Variants in NBAS observed in about 807,000 individuals in gnomAD.
NBAS encodes NBAS subunit of NRZ tethering complex.
Under a neutral mutation model 302.5 loss-of-function variants are expected in NBAS, and 219 were observed. The observed-to-expected ratio is 0.72, with a 90% CI of 0.65 to 0.81. The LOEUF (loss-of-function observed/expected upper bound fraction) is 0.81. Among genes scored for constraint, NBAS ranks in the 30% least tolerant of loss-of-function variants. NBAS has a pLI of 0.00. For missense variants in NBAS, 2,932 were observed against 2,841.6 expected (o/e 1.03, Z -0.72); for synonymous variants, 1,118 against 1,021.6 (o/e 1.09, Z -1.80).
the NBAS span, among the ~76,000 whole-genome samples, chr2:15,155,160 G>A: frequency 5.9e-5 from 9 of 152,150 alleles, no homozygotes; most frequent in South Asian, 2.1e-4. Context: ...GCATCTCTGG[G>A]CAAGTCTTTG....
chr2:15,115,583 C>T, the NBAS span, among the ~76,000 whole-genome samples: 8 of 152,248 alleles, frequency 5.3e-5, no homozygotes, highest in South Asian at 8.3e-4. Context: ...TCACTGTAAC[C>T]GCAAACTCCT....
the NBAS span, among the ~76,000 whole-genome samples, chr2:14,863,289 T>C: frequency 1.3e-5 from 2 of 152,118 alleles, no homozygotes; most frequent in African/African-American, 4.8e-5. Context: ...GTTTATTCAC[T>C]TGGGTGCAAG....
intron 31 of NBAS, among the ~76,000 whole-genome samples, chr2:15,369,151 A>G (rs1351259029): frequency 6.6e-6 from 1 of 152,162 alleles, no homozygotes; most frequent in Non-Finnish European, 1.5e-5. Context: ...TTTGTTGCAG[A>G]TATTATCTGC....
chr2:15,141,715 C>T, the NBAS span, among the ~76,000 whole-genome samples: 25 of 151,716 alleles, frequency 1.6e-4, no homozygotes, highest in African/African-American at 5.3e-4. Context: ...TTGTTTTTAC[C>T]GTAGGGGCCA....
At chr2:15,415,826 T>C in intron 24 of NBAS, 107 bp from the exon 25 acceptor site, 3 of 1,171,180 alleles carry the variant, frequency 2.6e-6, no homozygotes, top group Non-Finnish European at 2.5e-6. Flanking sequence ...AGACTGATGT[T>C]AAACAGTGCA....
chr2:15,110,273 G>T, the NBAS span, among the ~76,000 whole-genome samples: 1 of 152,136 alleles, frequency 6.6e-6, no homozygotes, highest in East Asian at 1.9e-4. Context: ...GTAGGTAGTT[G>T]TGAGATGCAC....
At chr2:15,234,331 AT>A (rs1486502380) in intron 46 of NBAS, among the ~76,000 whole-genome samples, 1 of 152,222 alleles carries the variant, frequency 6.6e-6, no homozygotes, top group Non-Finnish European at 1.5e-5. Context: ...CAGAAATTAC[AT>A]AGCTTAAGAT....
rs140128146 is a variant in NBAS, at chr2:15,344,635, G to C, written c.4179+7357C>G. 5.0e-3 allele frequency among the ~76,000 whole-genome samples: 767 copies of C among 152,180 alleles called. 10 individuals are homozygous for C. Among genetic ancestry groups the C allele is most frequent in the African/African-American group, 0.017 (710 of 41,532 alleles). On this transcript the variant is annotated intron_variant, in intron 35 of 51. Coordinates refer to ENST00000281513, the MANE Select transcript of NBAS (RefSeq NM_015909.4). ...TGAAACTATTCCAAACAACTGAAAA[G>C]GAGGGACTCCTCCCTAACTCATTTT...
intron 40 of NBAS, among the ~76,000 whole-genome samples, chr2:15,300,560 G>A (rs753082308): frequency 2.6e-5 from 4 of 152,168 alleles, no homozygotes; most frequent in African/African-American, 4.8e-5. Context: ...ACTCACAACT[G>A]CAAACCTGAA....
the NBAS span, among the ~76,000 whole-genome samples, chr2:15,101,081 C>G: frequency 1.3e-5 from 2 of 152,186 alleles, no homozygotes; most frequent in Non-Finnish European, 2.9e-5. Flanking sequence ...ATTTAGGAAG[C>G]ACAGCCACCA....
chr2:15,190,472 CTTTAT>C (rs1665298980), intron 48 of NBAS, 69 bp from the exon 49 acceptor site: 3 of 1,551,926 alleles, frequency 1.9e-6, no homozygotes, highest in Non-Finnish European at 2.6e-6. Flanking sequence ...AATAATTCTA[CTTTAT>C]TTTAATTAAA....
intron 8 of NBAS, among the ~76,000 whole-genome samples, chr2:15,536,064 C>T (rs1205122389): frequency 1.3e-5 from 2 of 152,176 alleles, no homozygotes; most frequent in African/African-American, 4.8e-5. Context: ...CATTTCACTG[C>T]ATGCAAATTT....
At chr2:15,011,357 G>A in the NBAS span, among the ~76,000 whole-genome samples, 20 of 152,000 alleles carry the variant, frequency 1.3e-4, no homozygotes, top group East Asian at 3.9e-3. Context: ...GGATCAATTT[G>A]CTAAGTACAT....
the NBAS span, among the ~76,000 whole-genome samples, chr2:15,053,893 C>T: frequency 1.5e-4 from 23 of 151,486 alleles, no homozygotes; most frequent in African/African-American, 5.6e-4. Context: ...TTCTGAGTCA[C>T]ACTTCAAATC....
chr2:15,473,476 G>T, intron 15 of NBAS, 129 bp from the exon 16 acceptor site: 1 of 1,169,182 alleles, frequency 8.6e-7, no homozygotes, highest in Non-Finnish European at 1.2e-6. Flanking sequence ...GTGCACTGTG[G>T]CACCAGAAGC....
chr2:14,988,083 G>A, the NBAS span, among the ~76,000 whole-genome samples: 1 of 152,242 alleles, frequency 6.6e-6, no homozygotes, highest in South Asian at 2.1e-4. Context: ...TGAGCCAGCA[G>A]TGTTGGTGCA....
chr2:15,197,141 G>C (rs1375805185), intron 48 of NBAS, among the ~76,000 whole-genome samples: 1 of 152,112 alleles, frequency 6.6e-6, no homozygotes, highest in Non-Finnish European at 1.5e-5. Flanking sequence ...AGTCAACAGT[G>C]TTATAAACAG....
At chr2:14,851,438 A>G in the NBAS span, among the ~76,000 whole-genome samples, 11 of 151,500 alleles carry the variant, frequency 7.3e-5, no homozygotes, top group Admixed American at 4.6e-4. Context: ...GCAATAATCA[A>G]TAGTTTACCA....
intron 48 of NBAS, among the ~76,000 whole-genome samples, chr2:15,213,027 T>C (rs1666490135): frequency 1.3e-5 from 2 of 152,160 alleles, no homozygotes; most frequent in African/African-American, 4.8e-5. Context: ...TAGGTCCATT[T>C]ATTGGGACCA....
Sources: allele counts gnomAD v4.1 joint callset (sites outside exome capture counted in the v4.1 genomes callset), GRCh38; gene constraint gnomAD v4.1.1; transcripts MANE v1.5; gene names NCBI Gene and HGNC (gene_info 2026-07-23, HGNC 2026-07-21).